VAV2: variants seen among roughly 807,000 people sequenced by gnomAD.
VAV2 encodes the protein guanine nucleotide exchange factor VAV2.
Under a neutral mutation model 132.5 loss-of-function variants are expected in VAV2, and 67 were observed. That is an observed-to-expected ratio of 0.51 (90% confidence interval 0.42 to 0.62). VAV2 has a LOEUF of 0.62. Among genes scored for constraint, VAV2 ranks in the 20% least tolerant of loss-of-function variants. The pLI is 0.00. For missense variants in VAV2, 938 were observed against 1,153.6 expected (o/e 0.81, Z 2.71); for synonymous variants, 492 against 443.5 (o/e 1.11, Z -1.37).
intron 1 of VAV2, among the ~76,000 whole-genome samples, chr9:133,983,751 A>C (rs1588223769): frequency 2.7e-5 from 4 of 149,870 alleles, no homozygotes; most frequent in Admixed American, 6.6e-5. Flanking sequence ...CTCAAGTCCC[A>C]CTCCCGGTCA....
chr9:133,838,071 C>G lies in VAV2; in HGVS notation c.381-3731G>C, dbSNP rs1024749324. 2.6e-5 allele frequency among the ~76,000 whole-genome samples: 4 copies of G among 152,234 alleles called. No homozygotes were observed. The South Asian group carries it at 8.3e-4, about 32-fold the overall frequency. On this transcript the variant is annotated intron_variant, in intron 3 of 29. Coordinates refer to ENST00000371850, the MANE Select transcript of VAV2 (RefSeq NM_001134398.2). ...CACGGCCTCAGCGCCTGGCCGCTGG[C>G]GCAGGAATATGCAGGAGAATAGAGG... is the stretch of plus-strand genomic sequence containing the variant.
In VAV2 at chr9:133,891,985, G is replaced by C. The variant is rs144910253; in HGVS notation, c.322-30553C>G. ...GGCATTCGGGGGAGAGGTGGAGAGA[G>C]AGGGAGAGAGGAAAAGGGGATGGAG... On this transcript the variant is annotated intron_variant, in intron 2 of 29. Coordinates refer to ENST00000371850, the MANE Select transcript of VAV2 (RefSeq NM_001134398.2). Among the ~76,000 whole-genome samples, 210 of 139,018 alleles carry C rather than the reference G, an allele frequency of 1.5e-3. 1 individual carries two copies. The highest frequency in any genetic ancestry group is 2.8e-3 in the Non-Finnish European group (178 of 63,968). The allele number at this position is 139,018 out of a possible 152,430, so 91.2% of individuals were successfully genotyped here. A position where few individuals can be genotyped will look rare whatever the true frequency, so the allele number is the denominator to read the frequency against.
chr9:133,971,355 C>G (rs1842328240), intron 1 of VAV2, among the ~76,000 whole-genome samples: 1 of 152,160 alleles, frequency 6.6e-6, no homozygotes, highest in Non-Finnish European at 1.5e-5. Flanking sequence ...ACCGTGGGAC[C>G]GGTGACTCCA....
intron 1 of VAV2, among the ~76,000 whole-genome samples, chr9:133,949,074 C>T (rs181882046): frequency 1.3e-5 from 2 of 152,320 alleles, no homozygotes; most frequent in East Asian, 3.9e-4. Flanking sequence ...ACCAGCACTC[C>T]TGGGGAGAAA....
At chr9:133,861,138 G>A in intron 3 of VAV2, 1 of 469,304 alleles carries the variant, frequency 2.1e-6, no homozygotes, top group South Asian at 3.8e-5. Flanking sequence ...AATCGAAAGA[G>A]ATTTTGCAGC....
Position 133,866,864 on chromosome 9 carries a change from G to A in VAV2, c.322-5432C>T, listed in dbSNP as rs1837824797. ...TTGCCATTATGATGACAGATGATGGGGTGGTGTCTGTTTAGCACATGTCAC... is the reference window on the plus strand; with the variant it reads ...TTGCCATTATGATGACAGATGATGGAGTGGTGTCTGTTTAGCACATGTCAC... On this transcript the variant is annotated intron_variant, in intron 2 of 29. Coordinates refer to ENST00000371850, the MANE Select transcript of VAV2 (RefSeq NM_001134398.2). Among the ~76,000 whole-genome samples, 5 of 152,032 alleles carry A rather than the reference G, an allele frequency of 3.3e-5. No homozygotes were observed. The South Asian group carries it at 8.3e-4, about 25-fold the overall frequency.
chr9:133,952,280 GA>G (rs1841585874), intron 1 of VAV2, among the ~76,000 whole-genome samples: 1 of 152,048 alleles, frequency 6.6e-6, no homozygotes, highest in Admixed American at 6.5e-5. Flanking sequence ...ACCTTACTTG[GA>G]AAAACAGTGT....
chr9:133,869,454 A>T (rs1837940021), intron 2 of VAV2, among the ~76,000 whole-genome samples: 1 of 142,518 alleles, frequency 7.0e-6, no homozygotes, highest in Non-Finnish European at 1.5e-5. Flanking sequence ...AAAAATAAAA[A>T]AAAAAAATAA....
At chr9:133,933,918 A>ATGGATGGATGGT (rs1840798077) in intron 2 of VAV2, among the ~76,000 whole-genome samples, 1 of 16,346 alleles carries the variant, frequency 6.1e-5, no homozygotes, top group Non-Finnish European at 2.7e-4. Flanking sequence ...GGATGGATGG[A>ATGGATGGATGGT]TGATGGGTGA....
chr9:133,863,920 G>A lies in VAV2; in HGVS notation c.322-2488C>T, dbSNP rs1427402945. Among the ~76,000 whole-genome samples, 1 of 152,132 alleles carries A rather than the reference G, an allele frequency of 6.6e-6. No homozygotes were observed. The highest frequency in any genetic ancestry group is 1.5e-5 in the Non-Finnish European group (1 of 68,006). On this transcript the variant is annotated intron_variant, in intron 2 of 29. Transcript: ENST00000371850. This position sits in a 1 kb window ranked among gnomAD's most constrained non-coding sequence, Gnocchi z 5.0. ...CTGGCCTGAAAGGTTAGGAGCAGAAGTACCTCCCTGCAGGAGGAGGGATGC... is the reference window on the plus strand; with the variant it reads ...CTGGCCTGAAAGGTTAGGAGCAGAAATACCTCCCTGCAGGAGGAGGGATGC...
intron 1 of VAV2, among the ~76,000 whole-genome samples, chr9:133,986,295 T>A (rs778141014): frequency 3.3e-5 from 5 of 152,080 alleles, no homozygotes; most frequent in African/African-American, 4.8e-5. Flanking sequence ...ACGCTGCTGA[T>A]GGGGGAGCAT....
At chr9:133,782,107 G>T (rs546672208) in intron 19 of VAV2, among the ~76,000 whole-genome samples, 1 of 138,708 alleles carries the variant, frequency 7.2e-6, no homozygotes, top group Non-Finnish European at 1.6e-5. Flanking sequence ...CGGCGGGGGC[G>T]GGGCGGGGGA....
At chr9:133,841,225 G>A (rs555814009) in intron 3 of VAV2, among the ~76,000 whole-genome samples, 1 of 152,146 alleles carries the variant, frequency 6.6e-6, no homozygotes, top group Admixed American at 6.5e-5. Context: ...GCTTGTTGGT[G>A]CTGATCTAAG....
At position 133,784,394 on chromosome 9, in the gene VAV2, G is replaced by A. The variant is rs754057489; in HGVS notation, c.1557C>T (p.Ala519=). The A allele has an allele frequency of 6.2e-7, 1 of 1,614,208 alleles. No homozygotes were observed. The highest frequency in any genetic ancestry group is 1.7e-5 in the Admixed American group (1 of 60,028). Residue 519 remains alanine, a synonymous_variant, in exon 18 of 30, where the codon GCC becomes GCT. Transcript: ENST00000371850. Reference sequence around the variant, plus strand: ...TCTGGAAACTGTGGTGGTTGGCATTGGCTTTGTCTGGCTTGATGTTTGACC... The same window carrying A: ...TCTGGAAACTGTGGTGGTTGGCATTAGCTTTGTCTGGCTTGATGTTTGACC... ...MAMSNIKPDK[A]NANHHSFQMY...
intron 1 of VAV2, among the ~76,000 whole-genome samples, chr9:133,963,352 C>T (rs569037752): frequency 6.6e-6 from 1 of 152,242 alleles, no homozygotes; most frequent in East Asian, 1.9e-4. Flanking sequence ...AGAGAGGGCA[C>T]GGAGGCCATC....
intron 2 of VAV2, among the ~76,000 whole-genome samples, chr9:133,931,806 A>G (rs1840698382): frequency 6.6e-6 from 1 of 152,172 alleles, no homozygotes; most frequent in Admixed American, 6.5e-5. Context: ...AAGGAGCTGG[A>G]CGGATCCCAA....
At chr9:133,780,045 G>C (rs1181403700) in intron 20 of VAV2, 106 bp from the exon 21 acceptor site, 1 of 1,496,120 alleles carries the variant, frequency 6.7e-7, no homozygotes, top group Admixed American at 1.7e-5. Flanking sequence ...TTCCTAGATA[G>C]AGGGGTCAAG....
intron 23 of VAV2, among the ~76,000 whole-genome samples, chr9:133,776,964 T>C (rs1833837707): frequency 6.6e-6 from 1 of 152,228 alleles, no homozygotes; most frequent in Non-Finnish European, 1.5e-5. Flanking sequence ...AAATACCATA[T>C]TGCCTCTGTT....
intron 1 of VAV2, among the ~76,000 whole-genome samples, chr9:133,964,323 T>C (rs948203429): frequency 5.0e-4 from 69 of 138,652 alleles, no homozygotes; most frequent in African/African-American, 1.6e-3. Context: ...TATATATATA[T>C]ACACATATGT....
Sources: gnomAD v4.1 joint callset for allele counts (sites outside exome capture counted in the v4.1 genomes callset) on GRCh38, gnomAD v4.1.1 for gene constraint, Gnocchi (gnomAD v3.1) non-coding constraint, MANE v1.5 for transcripts, NCBI Gene and HGNC (gene_info 2026-07-23, HGNC 2026-07-21) for gene names.